The following ZFHX3 variants were observed in gnomAD, a reference collection of about 807,000 sequenced individuals.
ZFHX3 encodes zinc finger homeobox protein 3.
A neutral mutation model predicts 279.1 loss-of-function variants in ZFHX3; 42 were observed. The ratio of observed to expected loss-of-function variants is 0.15; its 90% CI spans 0.12 to 0.19. ZFHX3 has a LOEUF of 0.19. ZFHX3 is among the 10% of genes least tolerant of loss of function. The pLI is 1.00. For synonymous variants in ZFHX3, 2,293 were observed against 1,957.8 expected (o/e 1.17, Z -4.52); for missense variants, 4,981 against 4,754.0 (o/e 1.05, Z -1.40).
At chr16:72,951,471 A>G (rs1004559383) in intron 2 of ZFHX3, among the ~76,000 whole-genome samples, 1 of 152,162 alleles carries the variant, frequency 6.6e-6, no homozygotes, top group East Asian at 1.9e-4. Flanking sequence ...CATGTTGGTC[A>G]GGCTGGTGTT....
intron 4 of ZFHX3, among the ~76,000 whole-genome samples, chr16:73,306,971 G>A (rs573954581): frequency 1.3e-5 from 2 of 152,176 alleles, no homozygotes; most frequent in South Asian, 4.1e-4. Flanking sequence ...ATGGTGGGCT[G>A]GTAAGTGGGA....
At chr16:73,789,110 G>A (rs1006626623) in intron 1 of ZFHX3, among the ~76,000 whole-genome samples, 33 of 151,036 alleles carry the variant, frequency 2.2e-4, no homozygotes, top group Admixed American at 8.6e-4. Context: ...ATATCTTGTA[G>A]ATATATATGA....
Position 72,784,077 on chromosome 16 carries a change from C to A in ZFHX3, c.*3087G>T, listed in dbSNP as rs1475722431. The A allele has an allele frequency of 6.6e-6, 1 of 152,528 alleles. No homozygotes were observed. Among genetic ancestry groups the A allele is most frequent in the African/African-American group, 2.4e-5 (1 of 41,424 alleles). The allele number at this position is 152,528 out of a possible 1,614,324, so 9.4% of individuals were successfully genotyped here. ...AGGAAAGCATTAAGGGTGCAACCCACTCCAGGTTGAAACAATCACATAACC... is the reference window on the plus strand; with the variant it reads ...AGGAAAGCATTAAGGGTGCAACCCAATCCAGGTTGAAACAATCACATAACC... On this transcript the variant is annotated 3_prime_UTR_variant, in exon 10 of 10. Transcript: ENST00000268489.
At chr16:73,839,164 CT>C (rs1342280679) in intron 1 of ZFHX3, among the ~76,000 whole-genome samples, 1 of 151,406 alleles carries the variant, frequency 6.6e-6, no homozygotes, top group Non-Finnish European at 1.5e-5. Context: ...GGCACACATC[CT>C]GGTGAACATG....
At chr16:73,385,556 A>C (rs2016886183) in intron 3 of ZFHX3, among the ~76,000 whole-genome samples, 1 of 152,218 alleles carries the variant, frequency 6.6e-6, no homozygotes, top group South Asian at 2.1e-4. Flanking sequence ...GAAAGGGTTC[A>C]GGAATCCTGC....
chr16:72,839,360 A>G (rs1034961723), intron 4 of ZFHX3, among the ~76,000 whole-genome samples: 2 of 152,130 alleles, frequency 1.3e-5, no homozygotes, highest in African/African-American at 4.8e-5. Context: ...ACGTGATCTA[A>G]CAAATGCATT....
chr16:72,927,777 C>T (rs980893675), intron 3 of ZFHX3, among the ~76,000 whole-genome samples: 3 of 152,050 alleles, frequency 2.0e-5, no homozygotes, highest in African/African-American at 4.8e-5. Flanking sequence ...AACCCTGAGG[C>T]CTCCGGAGTG....
chr16:73,136,099 G>A (rs933394597), intron 6 of ZFHX3, among the ~76,000 whole-genome samples: 1 of 152,010 alleles, frequency 6.6e-6, no homozygotes, highest in Non-Finnish European at 1.5e-5. Context: ...CTTGTGATCC[G>A]CCCTCCTCGG....
At chr16:73,785,273 T>G (rs1224610793) in intron 1 of ZFHX3, among the ~76,000 whole-genome samples, 1 of 152,226 alleles carries the variant, frequency 6.6e-6, no homozygotes, top group African/African-American at 2.4e-5. Context: ...TTTCCAAGAG[T>G]TAGTAACATC....
At chr16:73,667,739 C>A (rs2052859647) in intron 2 of ZFHX3, among the ~76,000 whole-genome samples, 1 of 152,210 alleles carries the variant, frequency 6.6e-6, no homozygotes, top group Non-Finnish European at 1.5e-5. Flanking sequence ...TGAACCAACA[C>A]ATAATCTCAT....
At chr16:73,493,983 T>G (rs1345434659) in intron 2 of ZFHX3, among the ~76,000 whole-genome samples, 1 of 151,988 alleles carries the variant, frequency 6.6e-6, no homozygotes. Context: ...CTCCCCAGAG[T>G]GGCTTCTTTC....
intron 1 of ZFHX3, among the ~76,000 whole-genome samples, chr16:73,800,810 C>A (rs114933798): frequency 0.014 from 2,094 of 152,190 alleles, 45 homozygotes; most frequent in African/African-American, 0.047. Context: ...CTCCGTCTAC[C>A]CCCAAAAGAA....
intron 5 of ZFHX3, among the ~76,000 whole-genome samples, chr16:73,253,121 C>T (rs1293933896): frequency 6.6e-6 from 1 of 152,310 alleles, no homozygotes; most frequent in East Asian, 1.9e-4. Flanking sequence ...CCACCCTCAA[C>T]CCCATGGGAC....
At chr16:73,414,136 A>G (rs2017524900) in intron 3 of ZFHX3, among the ~76,000 whole-genome samples, 1 of 152,256 alleles carries the variant, frequency 6.6e-6, no homozygotes, top group African/African-American at 2.4e-5. Flanking sequence ...TATGAAAAAT[A>G]TTGTTACAAA....
chr16:73,654,714 A>G (rs1288512077), intron 2 of ZFHX3, among the ~76,000 whole-genome samples: 3 of 152,070 alleles, frequency 2.0e-5, no homozygotes, highest in Non-Finnish European at 4.4e-5. Context: ...GAGAAAACAT[A>G]ATTATTTCAA....
At chr16:73,555,689 G>A (rs1050132524) in intron 2 of ZFHX3, among the ~76,000 whole-genome samples, 11 of 151,874 alleles carry the variant, frequency 7.2e-5, no homozygotes, top group South Asian at 2.1e-4. Flanking sequence ...AAAATTAGCC[G>A]GGCGTGGTGG....
chr16:73,508,796 A>G (rs1383528167), intron 2 of ZFHX3, among the ~76,000 whole-genome samples: 1 of 152,212 alleles, frequency 6.6e-6, no homozygotes, highest in Non-Finnish European at 1.5e-5. Context: ...AAAGGCAAAA[A>G]TAGAAGCAGT....
intron 4 of ZFHX3, among the ~76,000 whole-genome samples, chr16:73,299,468 C>T (rs990804316): frequency 2.0e-5 from 3 of 152,166 alleles, no homozygotes; most frequent in African/African-American, 7.2e-5. Context: ...CAGGGGTTAA[C>T]CACTGAGATA....
At position 72,959,890 on chromosome 16, in the gene ZFHX3, C is replaced by T. The variant is rs1311981463; in HGVS notation, c.256G>A (p.Ala86Thr). The change falls in exon 2 of 10, where the codon GCC (alanine) becomes ACC (threonine). Residue 86 changes from alanine (A) to threonine (T), a missense_variant. By Grantham distance (58) the Ala-to-Thr change is moderately conservative. Coordinates refer to ENST00000268489, the MANE Select transcript of ZFHX3 (RefSeq NM_006885.4). ...SKEVTCNECS[A>T]SFASLQTYME... ...TAGGTCTGGAGGCTGGCAAAGGAGG[C>T]CGAACATTCGTTGCAGGTGACCTCC... 1 of 1,602,856 alleles carries T rather than the reference C, an allele frequency of 6.2e-7. No individual in the cohort carries two copies. Among genetic ancestry groups the T allele is most frequent in the Non-Finnish European group, 8.5e-7 (1 of 1,173,482 alleles).
Sources: gnomAD v4.1 joint callset for allele counts (sites outside exome capture counted in the v4.1 genomes callset) on GRCh38, gnomAD v4.1.1 for gene constraint, MANE v1.5 for transcripts, NCBI Gene and HGNC (gene_info 2026-07-23, HGNC 2026-07-21) for gene names.